The following ACTL6B variants were observed in gnomAD, a reference collection of about 807,000 sequenced individuals.
ACTL6B encodes the protein actin like 6B.
In ACTL6B, 48 loss-of-function variants were observed where a neutral mutation model predicts 63.3. The ratio of observed to expected loss-of-function variants is 0.76; its 90% CI spans 0.60 to 0.96. The LOEUF is 0.96. ACTL6B is among the 50% of genes least tolerant of loss of function. The probability of loss-of-function intolerance (pLI) is 0.00; values close to 1 mark genes in which losing one functional copy is unlikely to be tolerated. For synonymous variants in ACTL6B, 230 were observed against 223.8 expected (o/e 1.03, Z -0.25); for missense variants, 350 against 572.2 (o/e 0.61, Z 3.96).
At position 100,655,218 on chromosome 7, in the gene ACTL6B, A is replaced by ACTCCC; in HGVS notation, c.269-100_269-99insGGGAG. 8.2e-7 allele frequency: 1 copy of ACTCCC among 1,225,310 alleles called. No individual in the cohort carries two copies. The highest frequency in any genetic ancestry group is 1.3e-5 in the South Asian group (1 of 78,850). The allele number at this position is 1,225,310 out of a possible 1,614,324, so 75.9% of individuals were successfully genotyped here. A position where few individuals can be genotyped will look rare whatever the true frequency, so the allele number is the denominator to read the frequency against. ...GAAAGGCCAAGCCCAAAGGAGGGTC[A>ACTCCC]GTGAGTCCAGCTCCAGGGGAACGCC... On this transcript the variant is annotated intron_variant, in intron 3 of 13. Coordinates refer to ENST00000160382, the MANE Select transcript of ACTL6B (RefSeq NM_016188.5). The surrounding 1 kb of genome is among the most constrained non-coding windows in gnomAD (Gnocchi z 4.4).
At chr7:100,654,769 CA>C (rs11368759) in intron 4 of ACTL6B, among the ~76,000 whole-genome samples, 87 of 141,620 alleles carry the variant, frequency 6.1e-4, no homozygotes, top group South Asian at 9.0e-4. Flanking sequence ...GAGACTGTGT[CA>C]AAAAAAAAAA....
At chr7:100,644,625 T>C (rs906403156) in intron 13 of ACTL6B, among the ~76,000 whole-genome samples, 1 of 152,122 alleles carries the variant, frequency 6.6e-6, no homozygotes, top group Non-Finnish European at 1.5e-5. Context: ...TTTTAAATTT[T>C]TTGTAGAGAT....
rs1803844269 is a variant in ACTL6B at position 100,647,373 on chromosome 7, CG to C, written c.759+70del. Reference sequence around the variant, plus strand: ...CCCCCTCCCTGCTCCCCCTCCCATGCGGGGCCTCTGTCCCGCCCCCGATTCA... The same window carrying C: ...CCCCCTCCCTGCTCCCCCTCCCATGCGGGCCTCTGTCCCGCCCCCGATTCA... On this transcript the variant is annotated intron_variant, in intron 8 of 13. Coordinates refer to ENST00000160382, the MANE Select transcript of ACTL6B (RefSeq NM_016188.5). The surrounding 1 kb of genome is among the most constrained non-coding windows in gnomAD (Gnocchi z 4.4). 1.3e-6 allele frequency: 2 copies of C among 1,599,766 alleles called. No individual in the cohort carries two copies. The highest frequency in any genetic ancestry group is 1.1e-5 in the South Asian group (1 of 90,568).
rs1323760910 is a variant in ACTL6B at position 100,655,631 on chromosome 7, C to T, written c.103-45G>A. 2 of 1,580,886 alleles carry T rather than the reference C, an allele frequency of 1.3e-6. No individual in the cohort carries two copies. Among genetic ancestry groups the T allele is most frequent in the African/African-American group, 2.7e-5 (2 of 74,490 alleles). ...GGAGTATTGGCAGGGAGAGAGGTCA[C>T]CCTCTTGCCCCTGTCCAGCCCCACA... On this transcript the variant is annotated intron_variant, in intron 2 of 13. Transcript: ENST00000160382. The surrounding 1 kb of genome is among the most constrained non-coding windows in gnomAD (Gnocchi z 4.4).
Position 100,647,009 on chromosome 7 carries a change from G to A in ACTL6B, c.898C>T (p.Arg300Cys), listed in dbSNP as rs780636767. ...GGATCAAACAGGCCCTCAGGGATGC[G>A]GAGTCGCTCGGCGCCGTAGTCTGTA... ...YNTDYGAERL[R>C]IPEGLFDPSN... The change falls in exon 10 of 14, where the codon CGC becomes TGC. Residue 300 changes from arginine to cysteine, a missense_variant. Arg to Cys is a radical substitution (Grantham distance 180). Coordinates refer to ENST00000160382, the MANE Select transcript of ACTL6B (RefSeq NM_016188.5). This position sits in a 1 kb window ranked among gnomAD's most constrained non-coding sequence, Gnocchi z 4.4. The A allele has an allele frequency of 1.9e-6, 3 of 1,614,076 alleles. No individual in the cohort carries two copies. The highest frequency in any genetic ancestry group is 1.7e-5 in the Admixed American group (1 of 59,992).
Position 100,655,027 on chromosome 7 carries a change from C to T in ACTL6B, c.361G>A (p.Glu121Lys). 6.2e-7 allele frequency: 1 copy of T among 1,613,690 alleles called. No individual in the cohort carries two copies. The highest frequency in any genetic ancestry group is 8.5e-7 in the Non-Finnish European group (1 of 1,179,826). The part of the protein sequence containing the change: ...EPNLHPVLMS[E>K]APWNTRAKRE... ...ATGGAGGAGGCACTCACCGGAGCCT[C>T]GGACATGAGCACTGGGTGCAGGTTT... Residue 121 changes from glutamate to lysine, a missense_variant, in exon 4 of 14, where the codon GAG becomes AAG. By Grantham distance (56) the Glu-to-Lys change is moderately conservative (BLOSUM62 1). Coordinates refer to ENST00000160382, the MANE Select transcript of ACTL6B (RefSeq NM_016188.5). The surrounding 1 kb of genome is among the most constrained non-coding windows in gnomAD (Gnocchi z 4.4).
intron 4 of ACTL6B, 69 bp from the exon 5 acceptor site, chr7:100,650,204 A>G (rs1562849506): frequency 2.2e-6 from 3 of 1,350,820 alleles, no homozygotes; most frequent in Non-Finnish European, 3.1e-6. Context: ...ACGCACACGC[A>G]ACCCACTCAC....
rs940994040 is a variant in ACTL6B at position 100,656,381 on chromosome 7, G to A, written c.-27C>T. On this transcript the variant is annotated 5_prime_UTR_variant, in exon 1 of 14. It adds an upstream start codon to the 5' untranslated region. Transcript: ENST00000160382. ...GTGCCCGCTGCGCTGCTAGCGGCCC[G>A]TGGGCGGTGGCGGGATCAGCACCGA... The A allele has an allele frequency of 7.6e-7, 1 of 1,318,850 alleles. No homozygotes were observed. The highest frequency in any genetic ancestry group is 3.6e-5 in the Admixed American group (1 of 27,916). 81.7% of individuals were successfully genotyped at this position (1,318,850 alleles called of 1,614,324 possible).
Position 100,655,742 on chromosome 7 carries a change from T to A in ACTL6B, c.102+61A>T. The A allele has an allele frequency of 1.3e-6, 2 of 1,536,234 alleles. No homozygotes were observed. The highest frequency in any genetic ancestry group is 2.4e-5 in the South Asian group (2 of 82,890). On this transcript the variant is annotated intron_variant, in intron 2 of 13. Coordinates refer to ENST00000160382, the MANE Select transcript of ACTL6B (RefSeq NM_016188.5). The surrounding 1 kb of genome is among the most constrained non-coding windows in gnomAD (Gnocchi z 4.4). ...GCGATCTGGGAGAGCCCTGGGTCAC[T>A]GGAAAGCCTGAAGAAGGGTCCGAAG...
In ACTL6B at chr7:100,648,835, T is replaced by C. The variant is rs1207888515; in HGVS notation, c.468-12A>G. 6.2e-7 allele frequency: 1 copy of C among 1,611,952 alleles called. No individual in the cohort carries two copies. Among genetic ancestry groups the C allele is most frequent in the Non-Finnish European group, 8.5e-7 (1 of 1,179,274 alleles). On this transcript the variant is annotated splice_polypyrimidine_tract_variant and intron_variant, in intron 5 of 13. Coordinates refer to ENST00000160382, the MANE Select transcript of ACTL6B (RefSeq NM_016188.5). The surrounding 1 kb of genome is among the most constrained non-coding windows in gnomAD (Gnocchi z 4.4). ...GCCCGTTTGCAAAGCTGGCATCGGA[T>C]GGGTAAGTCAAAGAGACAGCAGCAG...
intron 4 of ACTL6B, among the ~76,000 whole-genome samples, chr7:100,652,999 C>CAAAAAAAAAAAAAAAAAAAA (rs58707737): frequency 7.7e-5 from 2 of 25,946 alleles, no homozygotes; most frequent in Non-Finnish European, 1.2e-4. Flanking sequence ...AACTCCGTCT[C>CAAAAAAAAAAAAAAAAAAAA]AAAAAAAAAA....
chr7:100,649,901 G>A (rs907133252), intron 5 of ACTL6B, 137 bp downstream of exon 5: 3 of 727,090 alleles, frequency 4.1e-6, no homozygotes, highest in Non-Finnish European at 6.9e-6. Flanking sequence ...CACTAGTGGG[G>A]CAGAGGGAGG....
chr7:100,649,698 A>G (rs1332812815), intron 5 of ACTL6B, among the ~76,000 whole-genome samples: 3 of 152,172 alleles, frequency 2.0e-5, no homozygotes, highest in African/African-American at 7.2e-5. Flanking sequence ...GATCCTAAAA[A>G]CAGTCAGTGT....
intron 4 of ACTL6B, 133 bp from the exon 5 acceptor site, chr7:100,650,268 C>T: frequency 1.4e-6 from 1 of 704,274 alleles, no homozygotes. Context: ...CACACACATA[C>T]ACAACCTAAA....
chr7:100,652,575 A>G (rs11772667), intron 4 of ACTL6B, among the ~76,000 whole-genome samples: 30,294 of 148,110 alleles, frequency 0.2, 3,209 homozygotes, highest in African/African-American at 0.23. Flanking sequence ...GCAACAGAGC[A>G]AGACTATGTC....
At chr7:100,654,382 G>C (rs912275218) in intron 4 of ACTL6B, among the ~76,000 whole-genome samples, 1 of 150,670 alleles carries the variant, frequency 6.6e-6, no homozygotes, top group East Asian at 1.9e-4. Flanking sequence ...GCTTCCCAAA[G>C]TGTTGGGATT....
chr7:100,651,080 T>C (rs1803931103), intron 4 of ACTL6B, among the ~76,000 whole-genome samples: 1 of 152,076 alleles, frequency 6.6e-6, no homozygotes. Context: ...AATCAGATGG[T>C]TTCATCCTTC....
At chr7:100,643,839 T>A (rs1803768683) in intron 13 of ACTL6B, among the ~76,000 whole-genome samples, 1 of 152,238 alleles carries the variant, frequency 6.6e-6, no homozygotes, top group South Asian at 2.1e-4. Flanking sequence ...GTTCCTGCAA[T>A]GAGCATCTCA....
In ACTL6B at chr7:100,646,863, C is replaced by A. The variant is rs1044018229; in HGVS notation, c.937-32G>T. ...AGAGAGGTGACTGGGGCTGTGGGCT[C>A]TCTCCCCCTTCCCCCCAGACCCCTG... On this transcript the variant is annotated intron_variant, in intron 10 of 13. Coordinates refer to ENST00000160382, the MANE Select transcript of ACTL6B (RefSeq NM_016188.5). This position sits in a 1 kb window ranked among gnomAD's most constrained non-coding sequence, Gnocchi z 6.1. 1 of 1,605,062 alleles carries A rather than the reference C, an allele frequency of 6.2e-7. No homozygotes were observed. The highest frequency in any genetic ancestry group is 2.2e-5 in the East Asian group (1 of 44,764).
Sources: gnomAD v4.1 joint callset for allele counts (sites outside exome capture counted in the v4.1 genomes callset) on GRCh38, gnomAD v4.1.1 for gene constraint, Gnocchi (gnomAD v3.1) non-coding constraint, MANE v1.5 for transcripts, NCBI Gene and HGNC (gene_info 2026-07-23, HGNC 2026-07-21) for gene names.